Variants in KCNMA1 observed in about 807,000 individuals in gnomAD.
KCNMA1 encodes potassium calcium-activated channel subfamily M alpha 1.
KCNMA1 carries 29 observed loss-of-function variants against 140.0 expected under a neutral mutation model. The ratio of observed to expected loss-of-function variants is 0.21; its 90% CI spans 0.15 to 0.28. KCNMA1 has a LOEUF of 0.28. Ranked by LOEUF, KCNMA1 falls within the 10% of genes least tolerant of loss-of-function variation. KCNMA1 has a pLI of 1.00. For missense variants in KCNMA1, 880 were observed against 1,602.2 expected, an observed-to-expected ratio of 0.55 and a Z score of 7.70; for synonymous variants, 612 against 611.9, an observed-to-expected ratio of 1.00 and a Z score of 0.00.
At chr10:77,607,015 T>C (rs1356092) in intron 1 of KCNMA1, among the ~76,000 whole-genome samples, 33,282 of 152,096 alleles carry the variant, frequency 0.22, 3,948 homozygotes, top group African/African-American at 0.27. Flanking sequence ...CTCACCCAAC[T>C]AGACAGACCA....
In KCNMA1 at chr10:77,196,426, G is replaced by A. The variant is rs917894206; in HGVS notation, c.603-11510C>T. Among the ~76,000 whole-genome samples the A allele has an allele frequency of 3.9e-5, 6 of 152,140 alleles. No homozygotes were observed. In the East Asian group the frequency reaches 1.2e-3, roughly 29 times the overall value. Reference sequence around the variant, plus strand: ...ATATGCCAACGTGCTGGGCAGGATCGCCTGCCTGCACAGGTCTGTACTGTA... The same window carrying A: ...ATATGCCAACGTGCTGGGCAGGATCACCTGCCTGCACAGGTCTGTACTGTA... On this transcript the variant is annotated intron_variant, in intron 3 of 27. Coordinates refer to ENST00000286628, the MANE Select transcript of KCNMA1 (RefSeq NM_001161352.2).
intron 14 of KCNMA1, among the ~76,000 whole-genome samples, chr10:77,069,025 T>TCAAAAA (rs1205845986): frequency 2.0e-5 from 3 of 151,784 alleles, no homozygotes; most frequent in East Asian, 2.0e-4. Flanking sequence ...ATAGTAAGAC[T>TCAAAAA]CAAAAACAAA....
At chr10:77,045,703 T>C in intron 14 of KCNMA1, among the ~76,000 whole-genome samples, 1 of 152,222 alleles carries the variant, frequency 6.6e-6, no homozygotes, top group Admixed American at 6.5e-5. Flanking sequence ...TGCCTTTTAT[T>C]TTTTATGCTT....
At chr10:77,475,707 G>C (rs2098263341) in intron 1 of KCNMA1, among the ~76,000 whole-genome samples, 1 of 152,164 alleles carries the variant, frequency 6.6e-6, no homozygotes, top group Non-Finnish European at 1.5e-5. Context: ...CCTGTAGCCA[G>C]TACAAGCAGG....
At chr10:77,520,603 C>T (rs114144290) in intron 1 of KCNMA1, among the ~76,000 whole-genome samples, 158 of 152,120 alleles carry the variant, frequency 1.0e-3, no homozygotes, top group African/African-American at 3.6e-3. Context: ...CACACCAATC[C>T]AGGAATTGAG....
At chr10:76,975,969 A>T (rs2077377529) in intron 19 of KCNMA1, among the ~76,000 whole-genome samples, 1 of 152,116 alleles carries the variant, frequency 6.6e-6, no homozygotes, top group South Asian at 2.1e-4. Context: ...AACCCCAACG[A>T]TCATAATATC....
At chr10:77,498,146 C>G (rs1246448537) in intron 1 of KCNMA1, among the ~76,000 whole-genome samples, 1 of 152,174 alleles carries the variant, frequency 6.6e-6, no homozygotes, top group African/African-American at 2.4e-5. Flanking sequence ...CCTTGGGCAG[C>G]TTTGCTCCCT....
chr10:77,173,290 T>A (rs1173244392), intron 5 of KCNMA1, among the ~76,000 whole-genome samples: 1 of 152,200 alleles, frequency 6.6e-6, no homozygotes, highest in Non-Finnish European at 1.5e-5. Flanking sequence ...GACAGCATAG[T>A]ATCATATCAA....
At chr10:77,017,116 T>C (rs1565562386) in intron 17 of KCNMA1, among the ~76,000 whole-genome samples, 1 of 152,192 alleles carries the variant, frequency 6.6e-6, no homozygotes, top group Non-Finnish European at 1.5e-5. Flanking sequence ...ATGAGACATA[T>C]TGCACTCCCT....
intron 1 of KCNMA1, among the ~76,000 whole-genome samples, chr10:77,530,229 C>T (rs1160274346): frequency 6.6e-6 from 1 of 152,158 alleles, no homozygotes; most frequent in East Asian, 1.9e-4. Flanking sequence ...TCACTTCAAA[C>T]AATGATGCTA....
Position 76,941,892 on chromosome 10 carries a change from C to A in KCNMA1, c.2902+2881G>T, listed in dbSNP as rs564442803. On this transcript the variant is annotated intron_variant, in intron 23 of 27. Transcript: ENST00000286628. ...TGGCATGTTCAGTCTCTGGTGAGGACTTTCTCGCAGTGTCCTCACATGACA... is the reference window on the plus strand; with the variant it reads ...TGGCATGTTCAGTCTCTGGTGAGGAATTTCTCGCAGTGTCCTCACATGACA... 1.6e-4 allele frequency among the ~76,000 whole-genome samples: 25 copies of A among 152,300 alleles called. No individual in the cohort carries two copies. In the South Asian group the frequency reaches 4.8e-3, roughly 29 times the overall value.
intron 5 of KCNMA1, among the ~76,000 whole-genome samples, chr10:77,123,970 G>A (rs1407685640): frequency 6.6e-6 from 1 of 152,130 alleles, no homozygotes; most frequent in Non-Finnish European, 1.5e-5. Flanking sequence ...GTCCCAGATG[G>A]AACCAAGCAG....
chr10:77,020,274 G>T (rs1021081036), intron 16 of KCNMA1: 2 of 152,306 alleles, frequency 1.3e-5, no homozygotes, highest in Admixed American at 6.5e-5. Context: ...CCAGAGAAGT[G>T]TTGTGGTCAT....
intron 11 of KCNMA1, among the ~76,000 whole-genome samples, chr10:77,086,099 A>G (rs2096684569): frequency 6.6e-6 from 1 of 152,218 alleles, no homozygotes; most frequent in Non-Finnish European, 1.5e-5. Flanking sequence ...GATGTAAATA[A>G]TAGAAGTCAG....
At chr10:77,468,148 C>T (rs1163677486) in intron 1 of KCNMA1, among the ~76,000 whole-genome samples, 4 of 152,146 alleles carry the variant, frequency 2.6e-5, no homozygotes, top group African/African-American at 9.7e-5. Context: ...GCTGGGACTA[C>T]AGATGTGCAC....
chr10:77,113,380 A>G (rs886164532), intron 6 of KCNMA1, among the ~76,000 whole-genome samples: 1 of 152,216 alleles, frequency 6.6e-6, no homozygotes, highest in Non-Finnish European at 1.5e-5. Flanking sequence ...CTCCTTTGTA[A>G]TGACATTAAA....
At chr10:77,030,363 GT>G (rs979200338) in intron 15 of KCNMA1, among the ~76,000 whole-genome samples, 16 of 152,212 alleles carry the variant, frequency 1.1e-4, no homozygotes, top group East Asian at 5.8e-4. Context: ...AGCTTAAATT[GT>G]TTTTTTAAAA....
intron 1 of KCNMA1, among the ~76,000 whole-genome samples, chr10:77,510,911 C>T (rs903516589): frequency 6.6e-6 from 1 of 152,200 alleles, no homozygotes; most frequent in African/African-American, 2.4e-5. Flanking sequence ...TGTGGAAACA[C>T]ATGGAAATAA....
At chr10:77,322,110 A>G (rs2082516443) in intron 2 of KCNMA1, among the ~76,000 whole-genome samples, 1 of 152,194 alleles carries the variant, frequency 6.6e-6, no homozygotes, top group Non-Finnish European at 1.5e-5. Context: ...GTGGTCTACA[A>G]TCTCAATGCA....
Sources: gnomAD v4.1 joint callset for allele counts (sites outside exome capture counted in the v4.1 genomes callset) on GRCh38, gnomAD v4.1.1 for gene constraint, MANE v1.5 for transcripts, NCBI Gene and HGNC (gene_info 2026-07-23, HGNC 2026-07-21) for gene names.